The following MECOM variants were observed in gnomAD, a reference collection of about 807,000 sequenced individuals.
MECOM encodes histone-lysine N-methyltransferase MECOM.
In MECOM, 13 loss-of-function variants were observed where a neutral mutation model predicts 116.3. The observed-to-expected ratio is 0.11, with a 90% confidence interval of 0.07 to 0.18. The LOEUF (loss-of-function observed/expected upper bound fraction) is 0.18, where lower values mean the gene tolerates loss of function less well. MECOM is among the 10% of genes least tolerant of loss of function. The pLI is 1.00. For missense variants in MECOM, 1,299 were observed against 1,509.0 expected (o/e 0.86, Z 2.31); for synonymous variants, 528 against 535.2 (o/e 0.99, Z 0.19).
chr3:169,385,541 G>C (rs185123776), intron 1 of MECOM, among the ~76,000 whole-genome samples: 22 of 152,094 alleles, frequency 1.4e-4, no homozygotes, highest in African/African-American at 3.9e-4. Flanking sequence ...TGAGTTTTAC[G>C]TATCAAAACA....
chr3:169,139,464 C>T (rs1413044080), intron 3 of MECOM, among the ~76,000 whole-genome samples: 2 of 152,024 alleles, frequency 1.3e-5, no homozygotes, highest in South Asian at 2.1e-4. Context: ...CCAAAGTACT[C>T]GCCCAGATCA....
At chr3:169,319,343 A>G (rs564443982) in intron 2 of MECOM, among the ~76,000 whole-genome samples, 21 of 151,540 alleles carry the variant, frequency 1.4e-4, no homozygotes, top group African/African-American at 4.8e-4. Flanking sequence ...CAAACACTGC[A>G]TGTTCTCACT....
At chr3:169,223,074 A>G (rs1475263813) in intron 2 of MECOM, among the ~76,000 whole-genome samples, 1 of 152,078 alleles carries the variant, frequency 6.6e-6, no homozygotes, top group Admixed American at 6.6e-5. Context: ...GTGGTATAAG[A>G]ATGACTCTAA....
intron 2 of MECOM, among the ~76,000 whole-genome samples, chr3:169,302,593 G>A (rs1716933094): frequency 6.6e-6 from 1 of 152,110 alleles, no homozygotes; most frequent in South Asian, 2.1e-4. Context: ...TGCCAGGTGT[G>A]GTGGATCATG....
At chr3:169,290,543 C>T (rs1467116481) in intron 2 of MECOM, among the ~76,000 whole-genome samples, 2 of 151,956 alleles carry the variant, frequency 1.3e-5, no homozygotes, top group Non-Finnish European at 2.9e-5. Flanking sequence ...GTACTTGGAC[C>T]TGAGATGAGC....
At chr3:169,374,446 AT>A (rs1212745975) in intron 2 of MECOM, among the ~76,000 whole-genome samples, 19 of 152,016 alleles carry the variant, frequency 1.2e-4, no homozygotes, top group Non-Finnish European at 4.4e-5. Context: ...GATTAAAAAA[AT>A]ATATGGAACA....
chr3:169,400,338 A>G (rs1038690373), intron 1 of MECOM, among the ~76,000 whole-genome samples: 20 of 152,150 alleles, frequency 1.3e-4, no homozygotes, highest in African/African-American at 4.6e-4. Flanking sequence ...TGCTAAATGG[A>G]TGTTTACCTA....
intron 1 of MECOM, among the ~76,000 whole-genome samples, chr3:169,486,615 C>T (rs895828748): frequency 2.6e-5 from 4 of 152,040 alleles, no homozygotes; most frequent in Non-Finnish European, 5.9e-5. Context: ...GGGAAGAACA[C>T]CTGGATAATT....
chr3:169,131,369 G>C (rs1439814950), intron 4 of MECOM, 60 bp downstream of exon 4: 1 of 1,372,216 alleles, frequency 7.3e-7, no homozygotes, highest in East Asian at 2.3e-5. Flanking sequence ...GGATGCTTTC[G>C]ATGCTACTTT....
chr3:169,381,461 C>G lies in MECOM; in HGVS notation c.101G>C (p.Gly34Ala). Residue 34 changes from glycine (G) to alanine (A), a missense_variant, in exon 2 of 17, where the codon GGA becomes GCA. Gly to Ala is a moderately conservative substitution (Grantham distance 60). Coordinates refer to ENST00000651503, the MANE Select transcript of MECOM (RefSeq NM_004991.4). ...IPLEEMPDAD[G>A]VASTPSLNIQ... ...ATTGAGGGAGGGAGTGCTGGCTACT[C>G]CATCTGCATCTGGCATTTCTTCCAA... is the stretch of plus-strand genomic sequence containing the variant. 6.2e-7 allele frequency: 1 copy of G among 1,613,520 alleles called. No homozygotes were observed. The highest frequency in any genetic ancestry group is 8.5e-7 in the Non-Finnish European group (1 of 1,179,690).
intron 16 of MECOM, among the ~76,000 whole-genome samples, chr3:169,087,456 G>T (rs1236235716): frequency 6.6e-6 from 1 of 151,860 alleles, no homozygotes; most frequent in Admixed American, 6.6e-5. Context: ...AATTAGCCTG[G>T]CATAGTGGTG....
chr3:169,649,756 CATTTGAAACAA>C (rs1774652037), intron 1 of MECOM, among the ~76,000 whole-genome samples: 1 of 152,166 alleles, frequency 6.6e-6, no homozygotes, highest in Admixed American at 6.5e-5. Flanking sequence ...AAAAAGTACG[CATTTGAAACAA>C]ATATTGTGCT....
intron 2 of MECOM, among the ~76,000 whole-genome samples, chr3:169,157,293 G>A (rs1283273940): frequency 6.6e-6 from 1 of 152,160 alleles, no homozygotes; most frequent in Non-Finnish European, 1.5e-5. Flanking sequence ...TGGTTATGAT[G>A]TCTGTTACAG....
intron 1 of MECOM, among the ~76,000 whole-genome samples, chr3:169,575,790 G>A (rs899153654): frequency 1.3e-5 from 2 of 152,054 alleles, no homozygotes; most frequent in African/African-American, 4.8e-5. Context: ...TGAAAAGACA[G>A]TATCTGGAGC....
intron 2 of MECOM, among the ~76,000 whole-genome samples, chr3:169,290,564 C>T (rs1450749515): frequency 4.6e-5 from 7 of 152,142 alleles, no homozygotes; most frequent in Non-Finnish European, 8.8e-5. Flanking sequence ...CTCCCAGTGA[C>T]AGCCACATAC....
At chr3:169,495,461 T>G (rs755426509) in intron 1 of MECOM, among the ~76,000 whole-genome samples, 2 of 152,226 alleles carry the variant, frequency 1.3e-5, no homozygotes, top group Non-Finnish European at 2.9e-5. Context: ...TTTACACACC[T>G]GTCTTTTTAG....
chr3:169,602,447 A>G (rs1340070773), intron 1 of MECOM, among the ~76,000 whole-genome samples: 4 of 152,158 alleles, frequency 2.6e-5, no homozygotes, highest in African/African-American at 9.7e-5. Flanking sequence ...TTTATCCACC[A>G]ATATCAGATT....
chr3:169,322,230 T>G (rs543810549), intron 2 of MECOM, among the ~76,000 whole-genome samples: 59 of 152,338 alleles, frequency 3.9e-4, no homozygotes, highest in Non-Finnish European at 6.9e-4. Context: ...CGATGTTATC[T>G]AGACCCAAAT....
intron 1 of MECOM, among the ~76,000 whole-genome samples, chr3:169,417,059 T>G (rs1738758790): frequency 6.6e-6 from 1 of 151,866 alleles, no homozygotes; most frequent in Non-Finnish European, 1.5e-5. Flanking sequence ...AAGGACTTCA[T>G]GTCTAAAACA....
Sources: allele counts gnomAD v4.1 joint callset (sites outside exome capture counted in the v4.1 genomes callset), GRCh38; gene constraint gnomAD v4.1.1; transcripts MANE v1.5; gene names NCBI Gene and HGNC (gene_info 2026-07-23, HGNC 2026-07-21).